The following THSD4 variants were observed in gnomAD, a reference collection of about 807,000 sequenced individuals.
THSD4 encodes thrombospondin type 1 domain containing 4.
THSD4 carries 69 observed loss-of-function variants against 119.0 expected under a neutral mutation model. The observed-to-expected ratio is 0.58, with a 90% CI of 0.48 to 0.71. The LOEUF (loss-of-function observed/expected upper bound fraction) is 0.71, where lower values mean the gene tolerates loss of function less well. THSD4 is among the 30% of genes least tolerant of loss of function. The probability of loss-of-function intolerance (pLI) is 0.00; values close to 1 mark genes in which losing one functional copy is unlikely to be tolerated. For missense variants in THSD4, 1,393 were observed against 1,391.1 expected (o/e 1.00, Z -0.02); for synonymous variants, 524 against 540.4 (o/e 0.97, Z 0.42).
chr15:71,608,752 C>T (rs1439222285), intron 7 of THSD4, among the ~76,000 whole-genome samples: 1 of 152,192 alleles, frequency 6.6e-6, no homozygotes, highest in East Asian at 1.9e-4. Flanking sequence ...TCACCTCATA[C>T]TCTCCAAAAA....
At chr15:71,435,933 G>C (rs1252208299) in intron 7 of THSD4, among the ~76,000 whole-genome samples, 2 of 152,216 alleles carry the variant, frequency 1.3e-5, no homozygotes, top group Admixed American at 6.5e-5. Flanking sequence ...GAGAAAAAGA[G>C]AGTGCTGCTT....
chr15:71,362,749 G>T (rs1373420113), intron 6 of THSD4, among the ~76,000 whole-genome samples: 2 of 152,026 alleles, frequency 1.3e-5, no homozygotes, highest in Non-Finnish European at 2.9e-5. Flanking sequence ...TCGTCCGCAC[G>T]CAGCACTCCC....
intron 7 of THSD4, among the ~76,000 whole-genome samples, chr15:71,508,936 G>GTTTT (rs1306336481): frequency 1.0e-4 from 2 of 19,474 alleles, no homozygotes; most frequent in Non-Finnish European, 2.1e-4. Flanking sequence ...TAAAAGGATG[G>GTTTT]ATTTTTTTTT....
At chr15:71,441,540 T>C (rs1377414888) in intron 7 of THSD4, among the ~76,000 whole-genome samples, 1 of 149,064 alleles carries the variant, frequency 6.7e-6, no homozygotes, top group African/African-American at 2.5e-5. Flanking sequence ...GGACTACAGG[T>C]GTGCGCCACC....
chr15:71,111,043 G>A (rs758694204), upstream of THSD4: 17 of 1,282,326 alleles, frequency 1.3e-5, no homozygotes, highest in East Asian at 4.3e-4. Flanking sequence ...TCGGATCCGG[G>A]TGATGCCTCT....
chr15:71,529,060 C>T (rs945425998), intron 7 of THSD4, among the ~76,000 whole-genome samples: 1 of 152,310 alleles, frequency 6.6e-6, no homozygotes, highest in Middle Eastern at 3.4e-3. Context: ...GGAAGATGGG[C>T]CAGTCCTGGT....
chr15:71,414,875 A>T (rs1049642795), intron 7 of THSD4, among the ~76,000 whole-genome samples: 2 of 152,214 alleles, frequency 1.3e-5, no homozygotes, highest in East Asian at 3.9e-4. Flanking sequence ...TGTTCTCTGC[A>T]TTTGCCTGAA....
intron 7 of THSD4, among the ~76,000 whole-genome samples, chr15:71,481,177 A>C (rs1394577214): frequency 6.6e-6 from 1 of 152,198 alleles, no homozygotes; most frequent in Non-Finnish European, 1.5e-5. Context: ...AAATTCTCAC[A>C]TTAAATGTAA....
chr15:71,200,894 G>A (rs10468047), intron 3 of THSD4, among the ~76,000 whole-genome samples: 3,880 of 152,260 alleles, frequency 0.025, 173 homozygotes, highest in African/African-American at 0.089. Flanking sequence ...GCCATGTCTC[G>A]CGAGCAGCCG....
chr15:71,660,651 T>A lies in THSD4; in HGVS notation c.1274T>A (p.Leu425Gln), dbSNP rs767356521. 8 of 1,614,184 alleles carry A rather than the reference T, an allele frequency of 5.0e-6. No individual in the cohort carries two copies. Among genetic ancestry groups the A allele is most frequent in the Admixed American group, 1.7e-5 (1 of 60,026 alleles). The stretch of plus-strand genomic sequence containing the variant: ...GTGTTTAAGCATGCCCTCACCAGCC[T>A]GGGCTACCACCGCGTCGTGGAGATT... ...SGVFKHALTS[L>Q]GYHRVVEIPE... The change falls in exon 8 of 18, where the codon CTG (leucine) becomes CAG (glutamine). Residue 425 changes from leucine (L) to glutamine (Q), a missense_variant. By Grantham distance (113) the Leu-to-Gln change is moderately radical (BLOSUM62 -2). Transcript: ENST00000261862.
Position 71,101,371 on chromosome 15 carries a change from T to C in THSD4, c.-80+4365T>C, listed in dbSNP as rs1442017465. On this transcript the variant is annotated intron_variant, in intron 1 of 17. Coordinates refer to the THSD4 transcript ENST00000355327. ...ATATAGGTACCTTTGGCATCCCCTGTTTACGTAGTCATCATAGTATTATGT... is the reference window on the plus strand; with the variant it reads ...ATATAGGTACCTTTGGCATCCCCTGCTTACGTAGTCATCATAGTATTATGT... Among the ~76,000 whole-genome samples the C allele has an allele frequency of 2.0e-5, 3 of 152,354 alleles. No homozygotes were observed. The East Asian group carries it at 5.8e-4, about 29-fold the overall frequency.
At chr15:71,309,937 G>A (rs561131457) in intron 6 of THSD4, among the ~76,000 whole-genome samples, 124 of 152,268 alleles carry the variant, frequency 8.1e-4, no homozygotes, top group African/African-American at 2.7e-3. Context: ...TCATGTACTC[G>A]CAGATGGACA....
chr15:71,243,671 TA>T (rs2044173952), intron 5 of THSD4, among the ~76,000 whole-genome samples: 2 of 152,176 alleles, frequency 1.3e-5, no homozygotes, highest in Non-Finnish European at 2.9e-5. Context: ...TATATACAGG[TA>T]TACCCACTTT....
chr15:71,256,548 G>A, intron 5 of THSD4, 65 bp from the exon 6 acceptor site: 1 of 1,296,146 alleles, frequency 7.7e-7, no homozygotes, highest in South Asian at 1.4e-5. Context: ...CCAGGGTTTG[G>A]AAATGTATCC....
intron 7 of THSD4, among the ~76,000 whole-genome samples, chr15:71,540,767 G>T: frequency 7.4e-6 from 1 of 134,966 alleles, no homozygotes; most frequent in African/African-American, 2.8e-5. Context: ...CTGTCACCCA[G>T]GCTGGAGTGC....
intron 3 of THSD4, among the ~76,000 whole-genome samples, chr15:71,181,156 G>A (rs913759271): frequency 1.3e-5 from 2 of 152,192 alleles, no homozygotes; most frequent in African/African-American, 4.8e-5. Context: ...AGCAGACACT[G>A]TGTCTCTTCC....
intron 7 of THSD4, among the ~76,000 whole-genome samples, chr15:71,457,823 C>A (rs2047362162): frequency 6.6e-6 from 1 of 152,172 alleles, no homozygotes; most frequent in Admixed American, 6.5e-5. Flanking sequence ...CTTAGCATGT[C>A]TTTGGTTATA....
chr15:71,577,821 C>T (rs1170233658), intron 7 of THSD4, among the ~76,000 whole-genome samples: 3 of 151,232 alleles, frequency 2.0e-5, no homozygotes, highest in Non-Finnish European at 4.4e-5. Context: ...CCTGAGTTCA[C>T]GTTATTCTTC....
At chr15:71,211,535 C>T (rs772911167) in intron 3 of THSD4, among the ~76,000 whole-genome samples, 1 of 152,136 alleles carries the variant, frequency 6.6e-6, no homozygotes, top group Non-Finnish European at 1.5e-5. Context: ...ATGGGGGCCT[C>T]ACCCTCATGA....
Sources: gnomAD v4.1 joint callset for allele counts (sites outside exome capture counted in the v4.1 genomes callset) on GRCh38, gnomAD v4.1.1 for gene constraint, MANE v1.5 for transcripts, NCBI Gene and HGNC (gene_info 2026-07-23, HGNC 2026-07-21) for gene names.